The following VPS13D variants were observed in gnomAD, a reference collection of about 807,000 sequenced individuals.
VPS13D encodes intermembrane lipid transfer protein VPS13D.
Under a neutral mutation model 461.9 loss-of-function variants are expected in VPS13D, and 187 were observed. The observed-to-expected ratio is 0.40, with a 90% CI of 0.36 to 0.46. VPS13D has a LOEUF of 0.46. Ranked by LOEUF, VPS13D falls within the 20% of genes least tolerant of loss-of-function variation. The probability of loss-of-function intolerance (pLI) is 0.60; values close to 1 mark genes in which losing one functional copy is unlikely to be tolerated. For missense variants in VPS13D, 4,711 were observed against 5,364.9 expected (o/e 0.88, Z 3.81); for synonymous variants, 1,951 against 1,986.3 (o/e 0.98, Z 0.47).
chr1:12,276,339 T>A lies in VPS13D; in HGVS notation c.2751T>A (p.Ile917=), dbSNP rs1233731873. ...KTSDTQIKEK[I]FPQEEQRGSL... is the part of the protein sequence containing the mutation. ...CTGACACTCAGATTAAAGAAAAGAT[T>A]TTTCCCCAGGAGGAGCAGCGGGGAA... The change falls in exon 19 of 70, where the codon ATT becomes ATA. Residue 917 remains isoleucine, a synonymous_variant. Transcript: ENST00000620676. This position sits in a 1 kb window ranked among gnomAD's most constrained non-coding sequence, Gnocchi z 4.5. 6.2e-7 allele frequency: 1 copy of A among 1,614,122 alleles called. No individual in the cohort carries two copies. The highest frequency in any genetic ancestry group is 1.7e-5 in the Admixed American group (1 of 60,016).
chr1:12,366,626 T>A (rs1289151919), intron 52 of VPS13D, among the ~76,000 whole-genome samples: 2 of 152,214 alleles, frequency 1.3e-5, no homozygotes, highest in African/African-American at 4.8e-5. Context: ...TTTTTGTTAA[T>A]CCTTTTAAAA....
chr1:12,262,194 T>C (rs1255254984), intron 13 of VPS13D, 114 bp downstream of exon 13: 9 of 1,148,834 alleles, frequency 7.8e-6, no homozygotes, highest in Non-Finnish European at 1.1e-5. Context: ...GAAAACTGTA[T>C]TAGCTAATGT....
intron 20 of VPS13D, 84 bp from the exon 21 acceptor site, chr1:12,282,619 CAT>C (rs111569965): frequency 4.2e-5 from 54 of 1,277,972 alleles, no homozygotes; most frequent in African/African-American, 3.3e-4. Flanking sequence ...ATGTAGGAAT[CAT>C]GTGGCAACTG....
At chr1:12,458,838 C>T in intron 66 of VPS13D, among the ~76,000 whole-genome samples, 1 of 152,228 alleles carries the variant, frequency 6.6e-6, no homozygotes, top group East Asian at 1.9e-4. Context: ...TCAGCCTCTG[C>T]CAGCTTCTGG....
chr1:12,321,109 CTCTCTCTCCCTTCTT>C (rs1187822266), intron 32 of VPS13D, among the ~76,000 whole-genome samples: 1 of 152,158 alleles, frequency 6.6e-6, no homozygotes, highest in African/African-American at 2.4e-5. Context: ...AGTCCTTTCT[CTCTCTCTCCCTTCTT>C]TCTCTCTCCC....
Position 12,356,092 on chromosome 1 carries a change from T to G in VPS13D, c.9871+2T>G. The G allele has an allele frequency of 2.5e-6, 4 of 1,606,164 alleles. No individual in the cohort carries two copies. Among genetic ancestry groups the G allele is most frequent in the Non-Finnish European group, 3.4e-6 (4 of 1,175,042 alleles). On this transcript the variant is annotated splice_donor_variant, in intron 48 of 69. Transcript: ENST00000620676. LOFTEE classifies it high-confidence loss of function. ...CATATTGGCTGATTAACAAAACAGG[T>G]ACATACAGGGGCTGCTCAAGTAGGT...
chr1:12,476,078 G>T (rs1645627553), intron 67 of VPS13D, among the ~76,000 whole-genome samples: 1 of 152,194 alleles, frequency 6.6e-6, no homozygotes, highest in Non-Finnish European at 1.5e-5. Flanking sequence ...TCGTGGAACA[G>T]GCAAACCACA....
At chr1:12,256,791 AC>A (rs1376850674) in intron 8 of VPS13D, among the ~76,000 whole-genome samples, 195 bp from the exon 9 acceptor site, 2 of 151,584 alleles carry the variant, frequency 1.3e-5, no homozygotes, top group Non-Finnish European at 2.9e-5. Context: ...TACAAGAGAT[AC>A]GGCAATGTAT....
At chr1:12,436,961 C>G (rs1371947810) in intron 65 of VPS13D, among the ~76,000 whole-genome samples, 2 of 152,208 alleles carry the variant, frequency 1.3e-5, no homozygotes, top group Non-Finnish European at 2.9e-5. Flanking sequence ...AGCCACCGCT[C>G]CTGGCCTTTG....
chr1:12,249,854 C>T (rs1016657386), intron 6 of VPS13D, among the ~76,000 whole-genome samples: 1 of 152,182 alleles, frequency 6.6e-6, no homozygotes, highest in Non-Finnish European at 1.5e-5. Flanking sequence ...AGCAGTTCTC[C>T]ACATATCAAC....
intron 6 of VPS13D, 115 bp from the exon 7 acceptor site, chr1:12,253,607 C>A: frequency 2.5e-6 from 2 of 792,538 alleles, no homozygotes; most frequent in Non-Finnish European, 4.2e-6. Context: ...GTTATATGTC[C>A]ACAGCACCTT....
intron 26 of VPS13D, 42 bp from the exon 27 acceptor site, chr1:12,308,389 T>TC (rs769865612): frequency 2.6e-5 from 41 of 1,606,628 alleles, no homozygotes; most frequent in Non-Finnish European, 3.2e-5. Context: ...CCTTTTTGGG[T>TC]CCCCTTTTCT....
chr1:12,379,566 G>T lies in VPS13D; in HGVS notation c.11160G>T (p.Leu3720=). 6.2e-7 allele frequency: 1 copy of T among 1,613,618 alleles called. No homozygotes were observed. The highest frequency in any genetic ancestry group is 1.1e-5 in the South Asian group (1 of 90,936). The change falls in exon 57 of 70, where the codon CTG becomes CTT. Residue 3720 remains leucine, a synonymous_variant. Transcript: ENST00000620676. The part of the protein sequence containing the change: ...TQTWSFREGK[L]TCGLHGLVVQ... Reference sequence around the variant, plus strand: ...CGTGGAGTTTCCGAGAAGGAAAACTGACCTGTGGGTTACATGGGTTGGTCG... The same window carrying T: ...CGTGGAGTTTCCGAGAAGGAAAACTTACCTGTGGGTTACATGGGTTGGTCG...
chr1:12,241,578 T>C (rs1472722653), intron 2 of VPS13D, among the ~76,000 whole-genome samples: 2 of 152,224 alleles, frequency 1.3e-5, no homozygotes, highest in Non-Finnish European at 2.9e-5. Flanking sequence ...GTGAATGGCT[T>C]GCATAGCCGG....
At chr1:12,451,972 AG>A (rs1479307620) in intron 65 of VPS13D, among the ~76,000 whole-genome samples, 1 of 152,232 alleles carries the variant, frequency 6.6e-6, no homozygotes, top group Admixed American at 6.5e-5. Context: ...TTTGAAAAGG[AG>A]GAAAACAGAG....
rs534341392 is a variant in VPS13D at position 12,493,127 on chromosome 1, T to A, written c.12663-4373T>A. On this transcript the variant is annotated intron_variant, in intron 67 of 69. Transcript: ENST00000620676. ...TTTCAAATAAATAAAGAGAGCCCAA[T>A]GATGAGAGTGGGCCTTGAACTGAGG... 2.2e-5 allele frequency among the ~76,000 whole-genome samples: 3 copies of A among 136,090 alleles called. No homozygotes were observed. The South Asian group carries it at 7.0e-4, about 32-fold the overall frequency. 89.3% of individuals were successfully genotyped at this position (136,090 alleles called of 152,430 possible). A position where few individuals can be genotyped will look rare whatever the true frequency, so the allele number is the denominator to read the frequency against.
chr1:12,282,397 A>G (rs1641812066), intron 20 of VPS13D, among the ~76,000 whole-genome samples: 1 of 151,812 alleles, frequency 6.6e-6, no homozygotes, highest in Non-Finnish European at 1.5e-5. Context: ...TTTTGTCAAC[A>G]CTCTTCAGTT....
At chr1:12,423,429 C>G (rs1557429747) in intron 65 of VPS13D, among the ~76,000 whole-genome samples, 1 of 152,130 alleles carries the variant, frequency 6.6e-6, no homozygotes, top group Non-Finnish European at 1.5e-5. Flanking sequence ...AACAAAAAGC[C>G]CTACCTAGTC....
chr1:12,328,157 T>C (rs1394339097), intron 36 of VPS13D, among the ~76,000 whole-genome samples: 1 of 152,210 alleles, frequency 6.6e-6, no homozygotes, highest in African/African-American at 2.4e-5. Context: ...ATCTAAAGAT[T>C]GTAGTGAATA....
Sources: gnomAD v4.1 joint callset for allele counts (sites outside exome capture counted in the v4.1 genomes callset) on GRCh38, gnomAD v4.1.1 for gene constraint, Gnocchi (gnomAD v3.1) non-coding constraint, MANE v1.5 for transcripts, NCBI Gene and HGNC (gene_info 2026-07-23, HGNC 2026-07-21) for gene names.